Variants in GOLGA3 observed in about 807,000 individuals in gnomAD.
GOLGA3 encodes golgin A3.
Under a neutral mutation model 169.4 loss-of-function variants are expected in GOLGA3, and 75 were observed. The observed-to-expected ratio is 0.44, with a 90% CI of 0.37 to 0.54. The LOEUF is 0.54. GOLGA3 is among the 20% of genes least tolerant of loss of function. The pLI, the probability that GOLGA3 is intolerant of heterozygous loss-of-function variation, is 0.00. For missense variants in GOLGA3, 1,899 were observed against 1,930.0 expected, an observed-to-expected ratio of 0.98 and a Z score of 0.30; for synonymous variants, 824 against 822.4, an observed-to-expected ratio of 1.00 and a Z score of -0.03.
At chr12:132,803,663 C>T (rs920230646) in intron 7 of GOLGA3, among the ~76,000 whole-genome samples, 2 of 149,080 alleles carry the variant, frequency 1.3e-5, no homozygotes, top group Non-Finnish European at 3.0e-5. Flanking sequence ...ACTACTGTCT[C>T]TCGGCCGGCT....
rs1175724219 is a variant in GOLGA3 at position 132,787,610 on chromosome 12, C to T, written c.2812-823G>A. Among the ~76,000 whole-genome samples the T allele has an allele frequency of 3.2e-5, 4 of 125,554 alleles. 1 individual carries two copies. The highest frequency in any genetic ancestry group is 2.4e-4 in the Admixed American group (3 of 12,564). 82.4% of individuals were successfully genotyped at this position (125,554 alleles called of 152,430 possible). ...CCCCAGAACCCCTGGGACCCTTCCC[C>T]GGAGACCCCGGGACCCCTCCCCGGA... On this transcript the variant is annotated intron_variant, in intron 13 of 23. Coordinates refer to ENST00000450791, the MANE Select transcript of GOLGA3 (RefSeq NM_001389683.1).
At chr12:132,784,390 G>T in intron 15 of GOLGA3, 83 bp from the exon 16 acceptor site, 2 of 1,175,540 alleles carry the variant, frequency 1.7e-6, no homozygotes, top group Non-Finnish European at 2.4e-6. Flanking sequence ...CAGGCATGAG[G>T]CTGTGTGGCT....
intron 18 of GOLGA3, among the ~76,000 whole-genome samples, chr12:132,778,233 C>T (rs758584409): frequency 9.2e-5 from 14 of 151,766 alleles, no homozygotes; most frequent in Admixed American, 2.6e-4. Flanking sequence ...GCTGTGATCG[C>T]GCCACTGCAC....
Position 132,796,848 on chromosome 12 carries a change from C to G in GOLGA3, c.1939-148G>C, listed in dbSNP as rs950398531. ...TGTCTACCGACTGCAGACTGAGGGC[C>G]CAGGATGGGCAGCTTGGCCGCCCCC... is the stretch of plus-strand genomic sequence containing the variant. On this transcript the variant is annotated intron_variant, in intron 9 of 23. Coordinates refer to ENST00000450791, the MANE Select transcript of GOLGA3 (RefSeq NM_001389683.1). The G allele has an allele frequency of 9.6e-5, 82 of 858,422 alleles. 1 individual carries two copies. The Middle Eastern group carries it at 5.0e-3, about 52-fold the overall frequency. 53.2% of individuals were successfully genotyped at this position (858,422 alleles called of 1,614,324 possible). A position where few individuals can be genotyped will look rare whatever the true frequency, so the allele number is the denominator to read the frequency against.
intron 2 of GOLGA3, among the ~76,000 whole-genome samples, chr12:132,821,488 C>T (rs1490034874): frequency 6.6e-6 from 1 of 152,050 alleles, no homozygotes; most frequent in East Asian, 1.9e-4. Context: ...TGCTGCTGCC[C>T]CACACGTTTA....
Position 132,796,002 on chromosome 12 carries a change from G to GT in GOLGA3, c.2318dup (p.Asn773LysfsTer21). 6.2e-7 allele frequency: 1 copy of GT among 1,613,390 alleles called. No homozygotes were observed. The highest frequency in any genetic ancestry group is 8.5e-7 in the Non-Finnish European group (1 of 1,180,036). ...AAGCCGCCTCCAAGATGATCTTCTCGTTCTGCAGGAGGCAGATCGTGTCCT... is the reference window on the plus strand; with the variant it reads ...AAGCCGCCTCCAAGATGATCTTCTCGTTTCTGCAGGAGGCAGATCGTGTCCT... On this transcript the variant is annotated frameshift_variant, in exon 11 of 24. Transcript: ENST00000450791. LOFTEE classifies it high-confidence loss of function.
chr12:132,784,395 G>A, intron 15 of GOLGA3, 88 bp from the exon 16 acceptor site: 1 of 1,126,110 alleles, frequency 8.9e-7, no homozygotes, highest in Non-Finnish European at 1.3e-6. Context: ...ATGAGGCTGT[G>A]TGGCTGCACA....
chr12:132,824,429 G>A (rs1950333099), intron 1 of GOLGA3, among the ~76,000 whole-genome samples: 1 of 152,222 alleles, frequency 6.6e-6, no homozygotes, highest in African/African-American at 2.4e-5. Context: ...TGCTATTAGT[G>A]TAAAACTAGC....
chr12:132,782,102 G>C (rs566739034), intron 17 of GOLGA3, among the ~76,000 whole-genome samples, 194 bp downstream of exon 17: 6 of 152,322 alleles, frequency 3.9e-5, no homozygotes, highest in South Asian at 2.1e-4. Flanking sequence ...TCCCCTCGGA[G>C]AGCCCAGCCC....
rs539211224 is a variant in GOLGA3, at chr12:132,822,249, T to C, written c.-121A>G. The stretch of plus-strand genomic sequence containing the variant: ...GGAGGGGCCCTACTGTGTCTCCCAT[T>C]TTCAGGAGAAGATCTGATGACTCAC... On this transcript the variant is annotated 5_prime_UTR_variant, in exon 2 of 24. Transcript: ENST00000450791. 6 of 1,418,930 alleles carry C rather than the reference T, an allele frequency of 4.2e-6. No homozygotes were observed. The East Asian group carries it at 1.5e-4, about 35-fold the overall frequency. 87.9% of individuals were successfully genotyped at this position (1,418,930 alleles called of 1,614,324 possible).
At chr12:132,801,067 G>A (rs563178255) in intron 8 of GOLGA3, among the ~76,000 whole-genome samples, 52 of 152,362 alleles carry the variant, frequency 3.4e-4, no homozygotes, top group African/African-American at 1.2e-3. Flanking sequence ...AGGTTCACTC[G>A]AACCATTCGC....
At position 132,786,415 on chromosome 12, in the gene GOLGA3, G is replaced by A; in HGVS notation, c.3047C>T (p.Ala1016Val). The change falls in exon 15 of 24, where the codon GCC (alanine) becomes GTC (valine). Residue 1016 changes from alanine to valine, a missense_variant. Physicochemically the swap from Ala to Val is moderately conservative, Grantham distance 64 (BLOSUM62 0). Transcript: ENST00000450791. ...CAGCTCCGCGTCCGCAGCCTCCTTG[G>A]CCGCGAGGGCCTCCTGCAGGCGGCG... ...LSRRLQEALA[A>V]KEAADAELGQ... 1.2e-6 allele frequency: 2 copies of A among 1,613,252 alleles called. No homozygotes were observed. Among genetic ancestry groups the A allele is most frequent in the South Asian group, 1.1e-5 (1 of 91,020 alleles).
At position 132,798,432 on chromosome 12, in the gene GOLGA3, C is replaced by T. The variant is rs769227923; in HGVS notation, c.1846G>A (p.Glu616Lys). ...QAGLLEHLKLENVSLSQQLTE... is the reference protein window; with the variant it reads ...QAGLLEHLKLKNVSLSQQLTE... ...AGCTGCTGGGACAGGGACACATTCT[C>T]GAGTTTCAGGTGCTCCAGGAGACCT... The change falls in exon 9 of 24, where the codon GAG (glutamate) becomes AAG (lysine). Residue 616 changes from glutamate (E) to lysine (K), a missense_variant. Physicochemically the swap from Glu to Lys is moderately conservative, Grantham distance 56. Transcript: ENST00000450791. 1.5e-5 allele frequency: 24 copies of T among 1,613,328 alleles called. No individual in the cohort carries two copies. Among genetic ancestry groups the T allele is most frequent in the African/African-American group, 4.0e-5 (3 of 74,852 alleles).
rs961766019 is a variant in GOLGA3, at chr12:132,828,793, A to G, written c.-184+10T>C. On this transcript the variant is annotated intron_variant, in intron 1 of 23. Transcript: ENST00000450791. ...GAGCCCCGAGGCGCCGCGGCCTCCG[A>G]GCCCCTCACCCTGCTGCTCTGGCAG... is the stretch of plus-strand genomic sequence containing the variant. The G allele has an allele frequency of 6.6e-6, 1 of 152,158 alleles. No homozygotes were observed. Among genetic ancestry groups the G allele is most frequent in the Non-Finnish European group, 1.5e-5 (1 of 68,118 alleles). The allele number at this position is 152,158 out of a possible 1,614,324, so 9.4% of individuals were successfully genotyped here.
chr12:132,823,554 G>A (rs1950299109), intron 1 of GOLGA3, among the ~76,000 whole-genome samples: 1 of 152,258 alleles, frequency 6.6e-6, no homozygotes, highest in Non-Finnish European at 1.5e-5. Flanking sequence ...GGGAGGCCAA[G>A]GCGGGCGGAT....
At chr12:132,803,137 A>G (rs1949216861) in intron 7 of GOLGA3, among the ~76,000 whole-genome samples, 1 of 152,152 alleles carries the variant, frequency 6.6e-6, no homozygotes, top group African/African-American at 2.4e-5. Flanking sequence ...TAACTGCAAA[A>G]TTACCCCCCA....
intron 2 of GOLGA3, among the ~76,000 whole-genome samples, chr12:132,820,678 T>C (rs1392446276): frequency 6.6e-6 from 1 of 152,158 alleles, no homozygotes; most frequent in Non-Finnish European, 1.5e-5. Flanking sequence ...AATAACTAAG[T>C]CACCCTTTCC....
At chr12:132,816,987 G>A (rs973800902) in intron 2 of GOLGA3, among the ~76,000 whole-genome samples, 175 bp from the exon 3 acceptor site, 11 of 152,216 alleles carry the variant, frequency 7.2e-5, no homozygotes, top group Admixed American at 3.3e-4. Flanking sequence ...TCCCACAGGC[G>A]GGGTGGCCAG....
chr12:132,818,966 C>T (rs1234457119), intron 2 of GOLGA3, among the ~76,000 whole-genome samples: 1 of 151,704 alleles, frequency 6.6e-6, no homozygotes, highest in Non-Finnish European at 1.5e-5. Context: ...AAACATATTT[C>T]CTCATCAAAT....
Sources: allele counts gnomAD v4.1 joint callset (sites outside exome capture counted in the v4.1 genomes callset), GRCh38; gene constraint gnomAD v4.1.1; transcripts MANE v1.5; gene names NCBI Gene and HGNC (gene_info 2026-07-23, HGNC 2026-07-21).